The following CARD16 variants were observed in gnomAD, a reference collection of about 807,000 sequenced individuals.
CARD16 encodes the protein caspase recruitment domain family member 16.
A neutral mutation model predicts 11.9 loss-of-function variants in CARD16; 8 were observed. The observed-to-expected ratio is 0.67, with a 90% CI of 0.39 to 1.21. The LOEUF is 1.21. Ranked by LOEUF, CARD16 falls within the 50% of genes most tolerant of loss-of-function variation. The pLI, the probability that CARD16 is intolerant of heterozygous loss-of-function variation, is 0.01. For synonymous variants in CARD16, 44 were observed against 43.8 expected (o/e 1.00, Z -0.02); for missense variants, 131 against 118.1 (o/e 1.11, Z -0.51).
At chr11:105,043,572 T>G (rs778167915) in intron 2 of CARD16, 27 bp from the exon 3 acceptor site, 1 of 1,532,888 alleles carries the variant, frequency 6.5e-7, no homozygotes, top group Non-Finnish European at 9.0e-7. Flanking sequence ...AACATTGAAA[T>G]AGCCACTTAT....
chr11:105,044,253 A>T, intron 2 of CARD16, 139 bp downstream of exon 2: 2 of 1,365,584 alleles, frequency 1.5e-6, no homozygotes, highest in Non-Finnish European at 2.0e-6. Flanking sequence ...GACATGCAAT[A>T]GGGCCTCTGC....
chr11:105,044,920 G>A (rs1275839914), intron 1 of CARD16: 3 of 642,880 alleles, frequency 4.7e-6, no homozygotes, highest in Non-Finnish European at 2.6e-6. Context: ...TGTGTCCCAT[G>A]TTTATTTAAC....
chr11:105,044,505 G>A lies in CARD16; in HGVS notation c.161C>T (p.Thr54Ile), dbSNP rs377353282. ...AATAACGGAGTCAATCAAAGCTCGG[G>A]TCTTATCCATAACTGTAGCATTTTC... ...KRENATVMDK[T>I]RALIDSVIPK... The change falls in exon 2 of 4, where the codon ACC becomes ATC. Residue 54 changes from threonine (T) to isoleucine (I), a missense_variant. Coordinates refer to ENST00000673097, the MANE Select transcript of CARD16 (RefSeq NM_052889.4). 1 of 1,614,118 alleles carries A rather than the reference G, an allele frequency of 6.2e-7. No homozygotes were observed. Among genetic ancestry groups the A allele is most frequent in the Non-Finnish European group, 8.5e-7 (1 of 1,179,982 alleles).
intron 2 of CARD16, chr11:105,044,150 T>A (rs1864155244): frequency 1.6e-6 from 1 of 617,566 alleles, no homozygotes; most frequent in Admixed American, 3.0e-5. Flanking sequence ...TCTCATGACC[T>A]TAAGGAAATT....
intron 2 of CARD16, chr11:105,043,800 A>G (rs949905842): frequency 2.4e-6 from 1 of 412,872 alleles, no homozygotes; most frequent in East Asian, 4.1e-5. Context: ...CAGGCCTCCC[A>G]GTATGATCTG....
chr11:105,045,106 G>T (rs1294460589), intron 1 of CARD16, 185 bp downstream of exon 1: 4 of 799,324 alleles, frequency 5.0e-6, no homozygotes, highest in African/African-American at 1.7e-5. Context: ...TTCCTTTCTG[G>T]GCTTGCCTTT....
At position 105,044,442 on chromosome 11, in the gene CARD16, T is replaced by A. The variant is rs1269240451; in HGVS notation, c.224A>T (p.Tyr75Phe). 1.2e-6 allele frequency: 2 copies of A among 1,614,138 alleles called. No homozygotes were observed. The highest frequency in any genetic ancestry group is 3.3e-5 in the Admixed American group (2 of 60,014). ...CAGGTAACTGTCTTCTTCACAAATGTATGTGATGCAAATTTGGCATGCCTG... is the reference window on the plus strand; with the variant it reads ...CAGGTAACTGTCTTCTTCACAAATGAATGTGATGCAAATTTGGCATGCCTG... The part of the protein sequence containing the change: ...GAQACQICIT[Y>F]ICEEDSYLAE... Residue 75 changes from tyrosine (Y) to phenylalanine (F), a missense_variant, in exon 2 of 4, where the codon TAC becomes TTC. Transcript: ENST00000673097.
rs1242137074 is a variant in CARD16 at position 105,044,211 on chromosome 11, T to C, written c.274+181A>G. On this transcript the variant is annotated intron_variant, in intron 2 of 3. Transcript: ENST00000673097. ...ATGAACTTTAATCAGAAGAGGGCACTGAGGATGAAGGAACACAAAAAAGAG... is the reference window on the plus strand; with the variant it reads ...ATGAACTTTAATCAGAAGAGGGCACCGAGGATGAAGGAACACAAAAAAGAG... 3 of 944,726 alleles carry C rather than the reference T, an allele frequency of 3.2e-6. No homozygotes were observed. The East Asian group carries it at 7.6e-5, about 24-fold the overall frequency. The allele number at this position is 944,726 out of a possible 1,614,324, so 58.5% of individuals were successfully genotyped here.
At chr11:105,041,749 T>C in intron 3 of CARD16, 30 bp from the exon 4 acceptor site, 1 of 1,603,650 alleles carries the variant, frequency 6.2e-7, no homozygotes, top group Non-Finnish European at 8.5e-7. Context: ...TCATGAACAG[T>C]GGTATCCCTC....
chr11:105,044,749 T>A, intron 1 of CARD16, 91 bp from the exon 2 acceptor site: 4 of 1,551,988 alleles, frequency 2.6e-6, no homozygotes, highest in Non-Finnish European at 3.5e-6. Context: ...TTAGATTTCA[T>A]CAGTGAAATG....
rs1864143792 is a variant in CARD16, at chr11:105,043,489, A to T, written c.*37T>A. 1.2e-6 allele frequency: 2 copies of T among 1,605,112 alleles called. No homozygotes were observed. ...CATTGAAAAACAACATTACCTGGGA[A>T]GGAAGAAAATAGTAATTGGGAGTCT... On this transcript the variant is annotated 3_prime_UTR_variant, in exon 3 of 4. Transcript: ENST00000673097.
chr11:105,042,821 C>T (rs1175077185), intron 3 of CARD16, among the ~76,000 whole-genome samples: 1 of 152,156 alleles, frequency 6.6e-6, no homozygotes, highest in African/African-American at 2.4e-5. Context: ...AGAAAACATT[C>T]ATGAGGTAAT....
intron 3 of CARD16, among the ~76,000 whole-genome samples, chr11:105,042,301 G>A (rs1864125153): frequency 6.6e-6 from 1 of 152,072 alleles, no homozygotes; most frequent in Non-Finnish European, 1.5e-5. Context: ...AACGATGAAT[G>A]CTAAAATCAT....
chr11:105,043,586 C>T, intron 2 of CARD16, 41 bp from the exon 3 acceptor site: 1 of 1,452,940 alleles, frequency 6.9e-7, no homozygotes, highest in South Asian at 1.1e-5. Flanking sequence ...CACTTATCAT[C>T]TCTGGAAAAC....
intron 3 of CARD16, among the ~76,000 whole-genome samples, chr11:105,042,007 C>G (rs1031752800): frequency 2.0e-5 from 3 of 152,104 alleles, no homozygotes; most frequent in African/African-American, 7.2e-5. Flanking sequence ...ATAAAACACT[C>G]AGGAAACAGT....
intron 3 of CARD16, 22 bp downstream of exon 3, chr11:105,043,461 C>T: frequency 2.6e-6 from 4 of 1,554,884 alleles, no homozygotes; most frequent in Non-Finnish European, 3.5e-6. Context: ...AAAGAATGCT[C>T]TTCATTGAAA....
In CARD16 at chr11:105,044,653, C is replaced by A. The variant is rs61745001; in HGVS notation, c.13G>T (p.Val5Phe). Residue 5 changes from valine to phenylalanine, a missense_variant, in exon 2 of 4, where the codon GTC (valine) becomes TTC (phenylalanine). Physicochemically the swap from Val to Phe is conservative, Grantham distance 50. Transcript: ENST00000673097. ...AACAGCTTTCTCTTCTCCTTCAGGA[C>A]CTTGTCTGTTTGGAGCACAAGGATT... is the stretch of plus-strand genomic sequence containing the variant. MADK[V>F]LKEKRKLFIH... 1.2e-6 allele frequency: 2 copies of A among 1,613,996 alleles called. No individual in the cohort carries two copies. The highest frequency in any genetic ancestry group is 1.3e-5 in the African/African-American group (1 of 75,038).
intron 2 of CARD16, 101 bp downstream of exon 2, chr11:105,044,291 T>C (rs964742770): frequency 1.3e-6 from 2 of 1,569,016 alleles, no homozygotes; most frequent in Admixed American, 1.7e-5. Flanking sequence ...AAGGCAGAGA[T>C]AAGAAGATAT....
Position 105,041,594 on chromosome 11 carries a change from G to T in CARD16, c.*169C>A, listed in dbSNP as rs1864113306. On this transcript the variant is annotated 3_prime_UTR_variant, in exon 4 of 4. Coordinates refer to ENST00000673097, the MANE Select transcript of CARD16 (RefSeq NM_052889.4). ...TCACTCCACTTTATTATTGTATTCT[G>T]AACATGGCACCTCTGCAACTTTTGT... The T allele has an allele frequency of 1.9e-6, 3 of 1,613,928 alleles. No individual in the cohort carries two copies. The highest frequency in any genetic ancestry group is 1.7e-6 in the Non-Finnish European group (2 of 1,179,950).
Sources: gnomAD v4.1 joint callset for allele counts (sites outside exome capture counted in the v4.1 genomes callset) on GRCh38, gnomAD v4.1.1 for gene constraint, MANE v1.5 for transcripts, NCBI Gene and HGNC (gene_info 2026-07-23, HGNC 2026-07-21) for gene names.